Variants in ZNF69 observed in about 807,000 individuals in gnomAD.
The protein encoded by ZNF69 is zinc finger protein 69, also known as ZNF3.
A neutral mutation model predicts 50.9 loss-of-function variants in ZNF69; 47 were observed. The observed-to-expected ratio is 0.92, with a 90% CI of 0.73 to 1.18. The LOEUF (loss-of-function observed/expected upper bound fraction) is 1.18, where lower values mean the gene tolerates loss of function less well. Ranked by LOEUF, ZNF69 falls within the 50% of genes most tolerant of loss-of-function variation. The pLI is 0.00. For synonymous variants in ZNF69, 216 were observed against 223.1 expected, an observed-to-expected ratio of 0.97 and a Z score of 0.29; for missense variants, 717 against 675.1, an observed-to-expected ratio of 1.06 and a Z score of -0.69.
chr19:11,928,228 C>T, the ZNF69 span, among the ~76,000 whole-genome samples: 1 of 152,186 alleles, frequency 6.6e-6, no homozygotes, highest in Admixed American at 6.5e-5. Flanking sequence ...TCAAACAGTC[C>T]TGCTTCCTTG....
At chr19:11,967,350 A>G in the ZNF69 span, among the ~76,000 whole-genome samples, 1 of 152,170 alleles carries the variant, frequency 6.6e-6, no homozygotes, top group African/African-American at 2.4e-5. Flanking sequence ...AAACAAAAAC[A>G]AAATAAACAA....
At chr19:11,925,743 C>A in the ZNF69 span, among the ~76,000 whole-genome samples, 1 of 152,148 alleles carries the variant, frequency 6.6e-6, no homozygotes, top group Admixed American at 6.5e-5. Context: ...AGAAACACCC[C>A]GTCCTGGGTT....
chr19:11,933,977 C>T, the ZNF69 span, among the ~76,000 whole-genome samples: 1 of 147,928 alleles, frequency 6.8e-6, no homozygotes, highest in Non-Finnish European at 1.5e-5. Context: ...TGTCCGGCCA[C>T]TCATTTTCTT....
the ZNF69 span, chr19:11,950,785 T>C: frequency 5.5e-6 from 1 of 182,454 alleles, no homozygotes; most frequent in African/African-American, 2.4e-5. Flanking sequence ...TAATGTTACA[T>C]TGTTATTATT....
the ZNF69 span, among the ~76,000 whole-genome samples, chr19:11,934,148 A>G: frequency 5.4e-5 from 8 of 148,196 alleles, 2 homozygotes; most frequent in African/African-American, 2.1e-4. Flanking sequence ...GTTAGAGAAC[A>G]GCCTGGTAGA....
chr19:11,921,861 C>A, the ZNF69 span, among the ~76,000 whole-genome samples: 2 of 152,182 alleles, frequency 1.3e-5, no homozygotes, highest in South Asian at 4.1e-4. Context: ...ATCTATAGAG[C>A]AGTTAACAGG....
downstream of ZNF69, among the ~76,000 whole-genome samples, chr19:11,908,062 A>G (rs1365227850): frequency 6.6e-6 from 1 of 152,230 alleles, no homozygotes; most frequent in African/African-American, 2.4e-5. Flanking sequence ...ACCAACAAAG[A>G]TCAAAAGAGA....
the ZNF69 span, chr19:11,952,931 G>C: frequency 6.6e-6 from 1 of 152,074 alleles, no homozygotes. Flanking sequence ...AAAATTAGCT[G>C]GGCATCGTGG....
At chr19:11,947,679 C>A in the ZNF69 span, 1 of 1,123,146 alleles carries the variant, frequency 8.9e-7, no homozygotes. Context: ...GCATCAAATT[C>A]ATTTCTTCTT....
At chr19:11,949,102 A>G in the ZNF69 span, 1 of 1,612,180 alleles carries the variant, frequency 6.2e-7, no homozygotes, top group Non-Finnish European at 8.5e-7. Context: ...CTCTGGAGAA[A>G]GACCTTATAA....
At chr19:11,980,034 A>T in the ZNF69 span, 1 of 1,109,860 alleles carries the variant, frequency 9.0e-7, no homozygotes, top group South Asian at 1.2e-5. Context: ...TTTCGATAAC[A>T]TGAAAGGACT....
At chr19:11,968,755 C>A in the ZNF69 span, among the ~76,000 whole-genome samples, 20 of 152,080 alleles carry the variant, frequency 1.3e-4, no homozygotes, top group Admixed American at 1.3e-3. Context: ...CGGGATGGCT[C>A]ACACCTGTAA....
chr19:11,905,511 G>T lies in ZNF69; in HGVS notation c.1114G>T (p.Ala372Ser). Residue 372 changes from alanine (A) to serine (S), a missense_variant, in exon 4 of 4, where the codon GCC becomes TCC. Physicochemically the swap from Ala to Ser is moderately conservative, Grantham distance 99. Transcript: ENST00000429654. ...GATATGTGGGAAAGGCTTTTGTTCT[G>T]CCAATTCATTTCAAAGACATGAAAA... is the stretch of plus-strand genomic sequence containing the variant. The part of the protein sequence containing the change: ...CKICGKGFCS[A>S]NSFQRHEKTH... 6.2e-7 allele frequency: 1 copy of T among 1,612,808 alleles called. No homozygotes were observed. Among genetic ancestry groups the T allele is most frequent in the African/African-American group, 1.3e-5 (1 of 74,574 alleles).
chr19:11,939,819 A>G, the ZNF69 span: 1 of 152,078 alleles, frequency 6.6e-6, no homozygotes, highest in Admixed American at 6.5e-5. Flanking sequence ...TTACCAGCTT[A>G]AGGAATTTTA....
At chr19:11,895,406 A>C (rs748055463) in intron 1 of ZNF69, among the ~76,000 whole-genome samples, 13 of 152,230 alleles carry the variant, frequency 8.5e-5, no homozygotes, top group Non-Finnish European at 1.8e-4. Context: ...CTCAGGGTCC[A>C]GGGAATTGAA....
At chr19:11,978,457 G>A in the ZNF69 span, 1 of 1,614,024 alleles carries the variant, frequency 6.2e-7, no homozygotes, top group African/African-American at 1.3e-5. Flanking sequence ...AAAGAATGTG[G>A]AAAAACCTTT....
At chr19:11,973,936 C>T in the ZNF69 span, among the ~76,000 whole-genome samples, 1 of 152,048 alleles carries the variant, frequency 6.6e-6, no homozygotes. Context: ...GTAGAATTTT[C>T]CATTCACATC....
At chr19:11,936,774 C>G in the ZNF69 span, among the ~76,000 whole-genome samples, 12 of 150,552 alleles carry the variant, frequency 8.0e-5, no homozygotes, top group Non-Finnish European at 1.3e-4. Context: ...ATGCCTATGT[C>G]CTGAATGGTA....
the ZNF69 span, among the ~76,000 whole-genome samples, chr19:11,957,709 G>T: frequency 6.6e-6 from 1 of 151,786 alleles, no homozygotes; most frequent in East Asian, 1.9e-4. Context: ...GCTGGGTGTG[G>T]TGGCACACAC....
Sources: allele counts gnomAD v4.1 joint callset (sites outside exome capture counted in the v4.1 genomes callset), GRCh38; gene constraint gnomAD v4.1.1; transcripts MANE v1.5; gene names NCBI Gene and HGNC (gene_info 2026-07-23, HGNC 2026-07-21).